PDE2A: variants seen among roughly 807,000 people sequenced by gnomAD.
The protein encoded by PDE2A is cGMP-dependent 3',5'-cyclic phosphodiesterase.
PDE2A carries 53 observed loss-of-function variants against 133.6 expected under a neutral mutation model. The observed-to-expected ratio is 0.40, with a 90% CI of 0.32 to 0.50. PDE2A has a LOEUF of 0.50. Among genes scored for constraint, PDE2A ranks in the 20% least tolerant of loss-of-function variants. The probability of loss-of-function intolerance (pLI) is 0.73; values close to 1 mark genes in which losing one functional copy is unlikely to be tolerated. For missense variants in PDE2A, 796 were observed against 1,232.4 expected, an observed-to-expected ratio of 0.65 and a Z score of 5.30; for synonymous variants, 491 against 490.2, an observed-to-expected ratio of 1.00 and a Z score of -0.02.
intron 1 of PDE2A, chr11:72,668,448 C>A (rs944127421): frequency 4.2e-6 from 3 of 714,362 alleles, no homozygotes; most frequent in South Asian, 3.0e-5. Flanking sequence ...TGTGAGAAGT[C>A]GTAATTATGG....
intron 24 of PDE2A, 24 bp from the exon 25 acceptor site, chr11:72,580,648 G>T: frequency 6.4e-7 from 1 of 1,550,494 alleles, no homozygotes; most frequent in Non-Finnish European, 8.8e-7. Flanking sequence ...GGAAAACTGT[G>T]GTCACTCCTC....
At chr11:72,636,312 C>A (rs547655208) in intron 2 of PDE2A, among the ~76,000 whole-genome samples, 14 of 152,346 alleles carry the variant, frequency 9.2e-5, no homozygotes, top group Admixed American at 2.0e-4. Flanking sequence ...TTAGCATTTT[C>A]ATAAATTTAC....
At chr11:72,664,363 G>GGTTTTTTT (rs1565198393) in intron 1 of PDE2A, among the ~76,000 whole-genome samples, 3 of 92,332 alleles carry the variant, frequency 3.2e-5, no homozygotes, top group Non-Finnish European at 4.5e-5. Flanking sequence ...CCCCTTGAAG[G>GGTTTTTTT]ATTTTTTTTT....
At chr11:72,591,495 A>T (rs182963501) in intron 6 of PDE2A, 139 bp from the exon 7 acceptor site, 35 of 668,176 alleles carry the variant, frequency 5.2e-5, no homozygotes, top group Admixed American at 1.3e-4. Context: ...TGATAACCCC[A>T]TCTTTCTGAC....
chr11:72,585,045 G>C, intron 16 of PDE2A, 101 bp from the exon 17 acceptor site: 1 of 1,153,634 alleles, frequency 8.7e-7, no homozygotes, highest in Non-Finnish European at 1.3e-6. Flanking sequence ...GGCCTGGGAG[G>C]AGTGCTCCAA....
chr11:72,654,234 G>A (rs1854830715), intron 1 of PDE2A, among the ~76,000 whole-genome samples: 1 of 152,226 alleles, frequency 6.6e-6, no homozygotes, highest in African/African-American at 2.4e-5. Flanking sequence ...GGAGGCAGGT[G>A]CTAGAGAACC....
At chr11:72,585,829 A>C (rs986419940) in intron 14 of PDE2A, among the ~76,000 whole-genome samples, 15 of 152,208 alleles carry the variant, frequency 9.9e-5, no homozygotes, top group Non-Finnish European at 1.8e-4. Context: ...CGCCAGCTCT[A>C]GCTGCCTAGG....
chr11:72,586,273 G>T lies in PDE2A; in HGVS notation c.1071-92C>A. ...TTCTGTTCCATCAGAAGCCCACAGGGGTACCCACCTGCCAACTATATAACC... is the reference window on the plus strand; with the variant it reads ...TTCTGTTCCATCAGAAGCCCACAGGTGTACCCACCTGCCAACTATATAACC... On this transcript the variant is annotated intron_variant, in intron 13 of 30. Coordinates refer to ENST00000334456, the MANE Select transcript of PDE2A (RefSeq NM_002599.5). The T allele has an allele frequency of 3.9e-6, 3 of 774,896 alleles. 1 individual carries two copies. Among genetic ancestry groups the T allele is most frequent in the South Asian group, 3.0e-5 (2 of 67,156 alleles). The allele number at this position is 774,896 out of a possible 1,614,324, so 48.0% of individuals were successfully genotyped here.
chr11:72,640,425 T>C (rs1466232178), intron 2 of PDE2A, among the ~76,000 whole-genome samples: 1 of 146,992 alleles, frequency 6.8e-6, no homozygotes, highest in Non-Finnish European at 1.5e-5. Flanking sequence ...ACACACACAC[T>C]CACACACTCA....
chr11:72,612,130 A>G (rs1401033053), intron 2 of PDE2A, among the ~76,000 whole-genome samples: 1 of 152,230 alleles, frequency 6.6e-6, no homozygotes, highest in Non-Finnish European at 1.5e-5. Context: ...CCATCTACAC[A>G]TGCCACACAA....
intron 1 of PDE2A, among the ~76,000 whole-genome samples, chr11:72,663,934 C>T (rs532036837): frequency 2.0e-5 from 3 of 152,298 alleles, no homozygotes; most frequent in African/African-American, 4.8e-5. Flanking sequence ...GGGTTGTGTG[C>T]CCCAGAGGCC....
In PDE2A at chr11:72,624,327, G is replaced by A. The variant is rs73544388; in HGVS notation, c.145-15576C>T. ...ATCCTTTGGACGGTGTTACTTTCCC[G>A]CCTGAACCCATCGGTGCCTTCCCAT... On this transcript the variant is annotated intron_variant, in intron 2 of 30. Transcript: ENST00000334456. Among the ~76,000 whole-genome samples the A allele has an allele frequency of 9.2e-3, 1,399 of 152,162 alleles. 20 individuals are homozygous for A. The highest frequency in any genetic ancestry group is 0.032 in the African/African-American group (1,319 of 41,480).
intron 5 of PDE2A, 50 bp from the exon 6 acceptor site, chr11:72,596,698 G>A (rs1877652): frequency 0.28 from 362,239 of 1,280,106 alleles, 51,636 homozygotes; most frequent in South Asian, 0.35. Flanking sequence ...GCGAGGCTCA[G>A]AGATACCGAG....
intron 13 of PDE2A, among the ~76,000 whole-genome samples, chr11:72,586,633 T>C (rs1366960093): frequency 2.0e-5 from 3 of 152,184 alleles, no homozygotes; most frequent in Non-Finnish European, 4.4e-5. Context: ...GGTGGTGGTG[T>C]GGAGAGGACT....
In PDE2A at chr11:72,642,261, C is replaced by T. The variant is rs1195308247; in HGVS notation, c.137G>A (p.Ser46Asn). ...GCGCGGGGGCCCCCCTACCTGCAGG[C>T]TGTCGGCGCATGGCTGCGGCGGCGG... ...PPPPPQPCAD[S>N]LQDALLSLGS... The change falls in exon 2 of 31, where the codon AGC (serine) becomes AAC (asparagine). Residue 46 changes from serine (S) to asparagine (N), a missense_variant. Transcript: ENST00000334456. The T allele has an allele frequency of 6.5e-7, 1 of 1,537,720 alleles. No individual in the cohort carries two copies. The highest frequency in any genetic ancestry group is 2.0e-5 in the Admixed American group (1 of 49,308).
chr11:72,637,298 C>A (rs1213258353), intron 2 of PDE2A, among the ~76,000 whole-genome samples: 3 of 152,362 alleles, frequency 2.0e-5, no homozygotes, highest in Middle Eastern at 3.4e-3. Flanking sequence ...TCCCCTCCCC[C>A]AGCCCTAGTA....
At chr11:72,640,603 C>G (rs768383120) in intron 2 of PDE2A, among the ~76,000 whole-genome samples, 15 of 152,168 alleles carry the variant, frequency 9.9e-5, no homozygotes, top group Non-Finnish European at 2.2e-4. Context: ...GCCATAGTGA[C>G]TCTAAGCCAG....
intron 1 of PDE2A, among the ~76,000 whole-genome samples, chr11:72,658,998 CAA>C (rs1177090323): frequency 1.3e-5 from 2 of 152,060 alleles, no homozygotes; most frequent in Admixed American, 1.3e-4. Context: ...CAGCTGAGCA[CAA>C]AGTCTTGCTT....
chr11:72,598,063 C>T (rs1296807397), intron 4 of PDE2A, among the ~76,000 whole-genome samples: 2 of 152,204 alleles, frequency 1.3e-5, no homozygotes, highest in East Asian at 1.9e-4. Flanking sequence ...GTGCTAAGCA[C>T]AGGAGGTAAT....
Sources: allele counts gnomAD v4.1 joint callset (sites outside exome capture counted in the v4.1 genomes callset), GRCh38; gene constraint gnomAD v4.1.1; transcripts MANE v1.5; gene names NCBI Gene and HGNC (gene_info 2026-07-23, HGNC 2026-07-21).